Variants in LIMCH1 observed in about 807,000 individuals in gnomAD.
LIMCH1 encodes LIM and calponin homology domains-containing protein 1.
LIMCH1 carries 113 observed loss-of-function variants against 176.5 expected under a neutral mutation model. The observed-to-expected ratio is 0.64, with a 90% CI of 0.55 to 0.75. The LOEUF (loss-of-function observed/expected upper bound fraction) is 0.75, where lower values mean the gene tolerates loss of function less well. LIMCH1 is among the 30% of genes least tolerant of loss of function. The pLI is 0.00. For synonymous variants in LIMCH1, 619 were observed against 645.9 expected, an observed-to-expected ratio of 0.96 and a Z score of 0.63; for missense variants, 1,674 against 1,814.9, an observed-to-expected ratio of 0.92 and a Z score of 1.41.
At chr4:41,376,145 G>A (rs1241406857) in intron 1 of LIMCH1, among the ~76,000 whole-genome samples, 3 of 152,052 alleles carry the variant, frequency 2.0e-5, no homozygotes, top group Non-Finnish European at 2.9e-5. Context: ...AGACATTTCT[G>A]TCTTTTTTGT....
rs35211960 is a variant in LIMCH1 at position 41,642,313 on chromosome 4, A to AT, written c.2127-2175dup. On this transcript the variant is annotated intron_variant, in intron 14 of 31. Transcript: ENST00000503057. Reference sequence around the variant, plus strand: ...CTAGATTGAATATTTTAAAAGTAAGATTTTTTTTTTTTAAACTGTGAGAGG... The same window carrying AT: ...CTAGATTGAATATTTTAAAAGTAAGATTTTTTTTTTTTTAAACTGTGAGAGG... Among the ~76,000 whole-genome samples, 1,441 of 150,116 alleles carry AT rather than the reference A, an allele frequency of 9.6e-3. 26 individuals are homozygous for AT. The highest frequency in any genetic ancestry group is 0.032 in the African/African-American group (1,316 of 40,946).
chr4:41,606,120 T>A, intron 4 of LIMCH1, 116 bp downstream of exon 4: 1 of 647,340 alleles, frequency 1.5e-6, no homozygotes. Context: ...GAGCCAAAGA[T>A]ATGCACTCAA....
intron 27 of LIMCH1, among the ~76,000 whole-genome samples, chr4:41,685,443 C>T (rs1244430334): frequency 6.6e-6 from 1 of 152,160 alleles, no homozygotes; most frequent in Non-Finnish European, 1.5e-5. Flanking sequence ...TGCTTTCTTT[C>T]ATGCATAAGA....
chr4:41,693,432 C>A (rs1727901077), intron 31 of LIMCH1: 1 of 151,922 alleles, frequency 6.6e-6, no homozygotes, highest in Non-Finnish European at 1.5e-5. Context: ...TAATCAAACC[C>A]AGGTAGTTTA....
rs1731422460 is a variant in LIMCH1, at chr4:41,697,349, T to C, written c.*164T>C. On this transcript the variant is annotated 3_prime_UTR_variant, in exon 32 of 32. Transcript: ENST00000503057. Reference sequence around the variant, plus strand: ...GTTCTTTCGTAGCACAGTGTTTATGTTTTTCCTGTTTATTGTTTTGGTTTT... The same window carrying C: ...GTTCTTTCGTAGCACAGTGTTTATGCTTTTCCTGTTTATTGTTTTGGTTTT... The C allele has an allele frequency of 3.3e-6, 2 of 613,754 alleles. No individual in the cohort carries two copies. Among genetic ancestry groups the C allele is most frequent in the Admixed American group, 6.3e-5 (2 of 31,696 alleles). The allele number at this position is 613,754 out of a possible 1,614,324, so 38.0% of individuals were successfully genotyped here.
intron 1 of LIMCH1, among the ~76,000 whole-genome samples, chr4:41,405,744 C>A (rs1336998486): frequency 6.6e-6 from 1 of 152,106 alleles, no homozygotes. Flanking sequence ...CAAATTATCA[C>A]CTATACCCCT....
In LIMCH1 at chr4:41,681,000, T is replaced by C. The variant is rs761251218; in HGVS notation, c.3658T>C (p.Ser1220Pro). 17 of 1,612,852 alleles carry C rather than the reference T, an allele frequency of 1.1e-5. No individual in the cohort carries two copies. In the Admixed American group the frequency reaches 2.0e-4, roughly 19 times the overall value. The change falls in exon 25 of 32, where the codon TCA becomes CCA. Residue 1220 changes from serine (S) to proline (P), a missense_variant. Ser to Pro is a moderately conservative substitution (Grantham distance 74). Transcript: ENST00000503057. Reference protein sequence around the residue: ...EDTVVPFTVSSSSADQLSTSS... With the variant: ...EDTVVPFTVSPSSADQLSTSS... ...CACTGTGGTTCCATTTACTGTTTCT[T>C]CAAGTTCCGCTGACCAGCTGTCTAC...
intron 1 of LIMCH1, among the ~76,000 whole-genome samples, chr4:41,565,678 T>C (rs6835885): frequency 0.35 from 53,005 of 151,846 alleles, 14,700 homozygotes; most frequent in African/African-American, 0.78. Flanking sequence ...TCCCCAAATT[T>C]TAGGGGATCT....
intron 1 of LIMCH1, among the ~76,000 whole-genome samples, chr4:41,375,121 T>G (rs1052662901): frequency 6.6e-6 from 1 of 152,152 alleles, no homozygotes; most frequent in Non-Finnish European, 1.5e-5. Context: ...TACTAACATT[T>G]TATTAAAAAT....
At chr4:41,598,875 A>G (rs2089417152) in intron 1 of LIMCH1, 45 bp from the exon 2 acceptor site, 1 of 1,297,566 alleles carries the variant, frequency 7.7e-7, no homozygotes, top group Non-Finnish European at 1.1e-6. Flanking sequence ...GTTCATAAAG[A>G]TAATCTAAGA....
chr4:41,487,888 C>A (rs534598500), intron 1 of LIMCH1, among the ~76,000 whole-genome samples: 2 of 149,602 alleles, frequency 1.3e-5, no homozygotes, highest in East Asian at 2.0e-4. Context: ...TCCTGACCTC[C>A]TGATCTGCCC....
intron 1 of LIMCH1, among the ~76,000 whole-genome samples, chr4:41,419,465 T>C (rs1288781776): frequency 6.6e-6 from 1 of 152,084 alleles, no homozygotes; most frequent in Non-Finnish European, 1.5e-5. Flanking sequence ...TGAGCCACCA[T>C]ACCCGGCCAA....
At chr4:41,503,866 C>T (rs1013980982) in intron 2 of LIMCH1, among the ~76,000 whole-genome samples, 11 of 152,126 alleles carry the variant, frequency 7.2e-5, no homozygotes, top group Non-Finnish European at 1.6e-4. Context: ...TTTTACCTCC[C>T]TCTCTAGGGG....
intron 1 of LIMCH1, among the ~76,000 whole-genome samples, chr4:41,558,538 A>G (rs1281302698): frequency 6.6e-6 from 1 of 151,972 alleles, no homozygotes; most frequent in East Asian, 1.9e-4. Context: ...TCCACCTCCC[A>G]ATGCCATTAC....
At chr4:41,456,427 C>T (rs1403633271) in intron 1 of LIMCH1, among the ~76,000 whole-genome samples, 2 of 152,094 alleles carry the variant, frequency 1.3e-5, no homozygotes, top group African/African-American at 4.8e-5. Context: ...AGTAATATGC[C>T]TTGTCTTAAG....
intron 20 of LIMCH1, among the ~76,000 whole-genome samples, chr4:41,664,266 C>G (rs2094741952): frequency 6.6e-6 from 1 of 152,128 alleles, no homozygotes. Context: ...ACTTGTAGTT[C>G]CAGTTTATTC....
intron 1 of LIMCH1, chr4:41,494,524 T>C (rs763851714): frequency 1.2e-6 from 2 of 1,608,850 alleles, no homozygotes; most frequent in African/African-American, 1.3e-5. Flanking sequence ...CTTTTTCTTT[T>C]CTTTTTTGCA....
At chr4:41,494,926 A>C (rs1266418322) in intron 2 of LIMCH1, among the ~76,000 whole-genome samples, 4 of 152,212 alleles carry the variant, frequency 2.6e-5, no homozygotes, top group Non-Finnish European at 5.9e-5. Flanking sequence ...TGGTAAAAGT[A>C]AAACTTTTCT....
Position 41,360,829 on chromosome 4 carries a change from G to A in LIMCH1, c.-12G>A, listed in dbSNP as rs1438453673. On this transcript the variant is annotated 5_prime_UTR_variant, in exon 1 of 27. Coordinates refer to the LIMCH1 transcript ENST00000313860. This position sits in a 1 kb window ranked among gnomAD's most constrained non-coding sequence, Gnocchi z 4.5. ...CTCATCCCGGCGCTTGAGAGGACGC[G>A]GGGCTGCGCAAATGGCTTGTCCCGC... is the stretch of plus-strand genomic sequence containing the variant. 3 of 1,537,906 alleles carry A rather than the reference G, an allele frequency of 2.0e-6. No individual in the cohort carries two copies. Among genetic ancestry groups the A allele is most frequent in the South Asian group, 2.4e-5 (2 of 83,186 alleles).
Sources: allele counts gnomAD v4.1 joint callset (sites outside exome capture counted in the v4.1 genomes callset), GRCh38; gene constraint gnomAD v4.1.1; non-coding constraint Gnocchi (gnomAD v3.1); transcripts MANE v1.5; gene names NCBI Gene and HGNC (gene_info 2026-07-23, HGNC 2026-07-21).